Variants in MACROD2 observed in about 807,000 individuals in gnomAD.
The protein encoded by MACROD2 is mono-ADP ribosylhydrolase 2, also known as ADP-ribose glycohydrolase MACROD2.
MACROD2 carries 36 observed loss-of-function variants against 70.4 expected under a neutral mutation model. The observed-to-expected ratio is 0.51, with a 90% confidence interval of 0.39 to 0.68. The LOEUF (loss-of-function observed/expected upper bound fraction) is 0.68. Among genes scored for constraint, MACROD2 ranks in the 30% least tolerant of loss-of-function variants. The pLI, the probability that MACROD2 is intolerant of heterozygous loss-of-function variation, is 0.00. For synonymous variants in MACROD2, 172 were observed against 178.8 expected, an observed-to-expected ratio of 0.96 and a Z score of 0.30; for missense variants, 496 against 538.4, an observed-to-expected ratio of 0.92 and a Z score of 0.78.
chr20:14,931,973 G>A (rs2074299772), intron 5 of MACROD2, among the ~76,000 whole-genome samples: 1 of 147,174 alleles, frequency 6.8e-6, no homozygotes, highest in Non-Finnish European at 1.5e-5. Flanking sequence ...CTGCACTCTA[G>A]CCTGAGCAAC....
intron 5 of MACROD2, among the ~76,000 whole-genome samples, chr20:15,225,987 C>T (rs1020519281): frequency 6.6e-6 from 1 of 152,160 alleles, no homozygotes; most frequent in Admixed American, 6.5e-5. Context: ...ATTTGCACTT[C>T]GCTGTATAAT....
At chr20:14,906,509 GA>G (rs1202522290) in intron 5 of MACROD2, among the ~76,000 whole-genome samples, 2 of 150,824 alleles carry the variant, frequency 1.3e-5, no homozygotes, top group Admixed American at 6.6e-5. Context: ...GAAAAGAAAA[GA>G]AAAAAAAATC....
intron 5 of MACROD2, among the ~76,000 whole-genome samples, chr20:15,207,614 T>C (rs1309396068): frequency 6.6e-6 from 1 of 151,860 alleles, no homozygotes; most frequent in African/African-American, 2.4e-5. Flanking sequence ...GGCTAATTTT[T>C]GTATTTTCAG....
intron 5 of MACROD2, among the ~76,000 whole-genome samples, chr20:14,769,527 G>A (rs1253781438): frequency 1.3e-5 from 2 of 152,026 alleles, no homozygotes; most frequent in Non-Finnish European, 2.9e-5. Context: ...ATATCTGTTG[G>A]AAAGGCTTTC....
intron 6 of MACROD2, among the ~76,000 whole-genome samples, chr20:15,271,392 G>T (rs1450210990): frequency 1.3e-5 from 2 of 152,082 alleles, no homozygotes; most frequent in African/African-American, 4.8e-5. Flanking sequence ...CATCAACTTG[G>T]CGATTAAGTT....
intron 2 of MACROD2, among the ~76,000 whole-genome samples, chr20:14,056,089 G>A (rs1417428034): frequency 1.3e-5 from 2 of 152,092 alleles, no homozygotes; most frequent in Admixed American, 6.6e-5. Flanking sequence ...TTTATTTCAT[G>A]ACTTTTTCAG....
Position 14,525,675 on chromosome 20 carries a change from C to A in MACROD2, c.301+32167C>A, listed in dbSNP as rs115817064. ...TGGTGTGTCTATTTTAGGTTAGGAG[C>A]AATTTTAGAGAGAAGCAGTGCCCTA... On this transcript the variant is annotated intron_variant, in intron 4 of 17. Coordinates refer to ENST00000684519, the MANE Select transcript of MACROD2 (RefSeq NM_001351661.2). Among the ~76,000 whole-genome samples the A allele has an allele frequency of 7.2e-3, 1,091 of 152,292 alleles. 5 individuals carry two copies. Among genetic ancestry groups the A allele is most frequent in the African/African-American group, 0.024 (1,018 of 41,574 alleles).
intron 6 of MACROD2, among the ~76,000 whole-genome samples, chr20:15,398,955 T>C (rs2045895243): frequency 6.6e-6 from 1 of 152,174 alleles, no homozygotes; most frequent in South Asian, 2.1e-4. Context: ...ATTACTATGA[T>C]TACATGTGTG....
At chr20:14,593,923 A>G (rs1384571833) in intron 4 of MACROD2, among the ~76,000 whole-genome samples, 2 of 152,178 alleles carry the variant, frequency 1.3e-5, no homozygotes, top group African/African-American at 2.4e-5. Flanking sequence ...TTTTCAGTTC[A>G]ATATTTGTCC....
chr20:14,063,595 A>G (rs2053717168), intron 2 of MACROD2, among the ~76,000 whole-genome samples: 1 of 152,192 alleles, frequency 6.6e-6, no homozygotes, highest in Admixed American at 6.5e-5. Flanking sequence ...TTTAGTGCAC[A>G]ACATTATTAA....
intron 6 of MACROD2, among the ~76,000 whole-genome samples, chr20:15,426,998 C>G (rs1333926152): frequency 1.3e-5 from 2 of 148,730 alleles, no homozygotes; most frequent in Admixed American, 6.7e-5. Context: ...CTCAATCTCT[C>G]TCTCCCTGTC....
intron 3 of MACROD2, among the ~76,000 whole-genome samples, chr20:14,254,905 G>A (rs2082040524): frequency 6.6e-6 from 1 of 152,018 alleles, no homozygotes; most frequent in Admixed American, 6.6e-5. Context: ...CATGTTTAGT[G>A]CTTCCTTCAG....
intron 5 of MACROD2, among the ~76,000 whole-genome samples, chr20:15,098,355 G>A (rs1422430693): frequency 1.3e-5 from 2 of 152,120 alleles, no homozygotes; most frequent in Admixed American, 6.5e-5. Flanking sequence ...AATTTGGGTG[G>A]CGGCTCTGTA....
At chr20:14,667,042 A>G (rs867471003) in intron 4 of MACROD2, among the ~76,000 whole-genome samples, 16 of 152,026 alleles carry the variant, frequency 1.1e-4, no homozygotes, top group South Asian at 2.1e-4. Context: ...ACAAGATCCA[A>G]TACTGTTCTT....
intron 5 of MACROD2, among the ~76,000 whole-genome samples, chr20:14,921,976 T>G (rs2074169719): frequency 6.6e-6 from 1 of 152,208 alleles, no homozygotes; most frequent in African/African-American, 2.4e-5. Context: ...AAGTCTCTTT[T>G]AGCATCTAAA....
intron 5 of MACROD2, among the ~76,000 whole-genome samples, chr20:15,194,162 C>A (rs552237970): frequency 1.3e-4 from 18 of 134,684 alleles, no homozygotes; most frequent in African/African-American, 4.9e-4. Flanking sequence ...AGGAGAATTG[C>A]TTGAACCCAG....
chr20:15,656,966 C>A (rs1212292328), intron 8 of MACROD2, among the ~76,000 whole-genome samples: 1 of 151,726 alleles, frequency 6.6e-6, no homozygotes, highest in Non-Finnish European at 1.5e-5. Flanking sequence ...AAAGATGTTT[C>A]CAATTTGATT....
intron 5 of MACROD2, among the ~76,000 whole-genome samples, chr20:15,165,686 A>G (rs2076378942): frequency 6.6e-6 from 1 of 152,236 alleles, no homozygotes; most frequent in Non-Finnish European, 1.5e-5. Flanking sequence ...GGATTATTTC[A>G]TAAAATCATT....
At chr20:15,805,208 A>T (rs116159868) in intron 8 of MACROD2, among the ~76,000 whole-genome samples, 323 of 152,264 alleles carry the variant, frequency 2.1e-3, no homozygotes, top group African/African-American at 7.5e-3. Flanking sequence ...TTAGCTGCAG[A>T]TGTTGGGATC....
Sources: gnomAD v4.1 joint callset for allele counts (sites outside exome capture counted in the v4.1 genomes callset) on GRCh38, gnomAD v4.1.1 for gene constraint, MANE v1.5 for transcripts, NCBI Gene and HGNC (gene_info 2026-07-23, HGNC 2026-07-21) for gene names.